The following SRCAP variants were observed in gnomAD, a reference collection of about 807,000 sequenced individuals.
SRCAP encodes chromatin remodeling protein SRCAP.
In SRCAP, 46 loss-of-function variants were observed where a neutral mutation model predicts 263.1. That is an observed-to-expected ratio of 0.17 (90% CI 0.14 to 0.22). The LOEUF (loss-of-function observed/expected upper bound fraction) is 0.22, where lower values mean the gene tolerates loss of function less well. Ranked by LOEUF, SRCAP falls within the 10% of genes least tolerant of loss-of-function variation. The pLI is 1.00. For missense variants in SRCAP, 3,695 were observed against 4,181.9 expected (o/e 0.88, Z 3.21); for synonymous variants, 1,813 against 1,662.1 (o/e 1.09, Z -2.21).
rs764062071 is a variant in SRCAP, at chr16:30,722,725, G to T, written c.3869G>T (p.Ser1290Ile). ...ACCACCCCTGCCCCTACTGGCCTCA[G>T]CCTTCCGCTTGCTGCTAACCAGGGT... is the stretch of plus-strand genomic sequence containing the variant. ...PSTTPAPTGL[S>I]LPLAANQVPP... is the part of the protein sequence containing the mutation. Residue 1290 changes from serine (S) to isoleucine (I), a missense_variant, in exon 23 of 34, where the codon AGC (serine) becomes ATC (isoleucine). This residue lies in a region of SRCAP where 1,347 missense variants were observed against 1,304.4 expected (regional missense o/e 1.03). Coordinates refer to ENST00000262518, the MANE Select transcript of SRCAP (RefSeq NM_006662.3). The T allele has an allele frequency of 6.2e-7, 1 of 1,612,460 alleles. No homozygotes were observed. Among genetic ancestry groups the T allele is most frequent in the Non-Finnish European group, 8.5e-7 (1 of 1,178,996 alleles).
chr16:30,729,452 C>A lies in SRCAP; in HGVS notation c.6007C>A (p.Gln2003Lys). 6.2e-7 allele frequency: 1 copy of A among 1,614,236 alleles called. No homozygotes were observed. The highest frequency in any genetic ancestry group is 8.5e-7 in the Non-Finnish European group (1 of 1,180,046). ...CHPPPWLAPR[Q>K]AAFQEQLASE... ...CCCACCTCCTTGGCTGGCCCCACGTCAGGCAGCCTTCCAGGAGCAATTGGC... is the reference window on the plus strand; with the variant it reads ...CCCACCTCCTTGGCTGGCCCCACGTAAGGCAGCCTTCCAGGAGCAATTGGC... The change falls in exon 27 of 34, where the codon CAG becomes AAG. Residue 2003 changes from glutamine to lysine, a missense_variant. Gln to Lys is a moderately conservative substitution (Grantham distance 53). This residue lies in a region of SRCAP where 1,347 missense variants were observed against 1,304.4 expected (regional missense o/e 1.03). Coordinates refer to ENST00000262518, the MANE Select transcript of SRCAP (RefSeq NM_006662.3).
chr16:30,717,678 T>C (rs1459320250), intron 18 of SRCAP, among the ~76,000 whole-genome samples: 1 of 131,802 alleles, frequency 7.6e-6, no homozygotes, highest in Non-Finnish European at 1.5e-5. Flanking sequence ...AGTGGTGCCA[T>C]CTTGGCTTAC....
chr16:30,716,506 T>G, intron 18 of SRCAP, 27 bp downstream of exon 18: 1 of 1,586,210 alleles, frequency 6.3e-7, no homozygotes, highest in Non-Finnish European at 8.6e-7. Flanking sequence ...TAATATGAAA[T>G]GTAAAGGTTA....
intron 3 of SRCAP, among the ~76,000 whole-genome samples, chr16:30,703,073 TGGA>T (rs2151283990): frequency 6.6e-6 from 1 of 151,818 alleles, no homozygotes; most frequent in African/African-American, 2.4e-5. Context: ...GTTCTGAAAA[TGGA>T]GGGTAAATAG....
In SRCAP at chr16:30,736,188, AC is replaced by A; in HGVS notation, c.6730-11del. 1 of 1,613,068 alleles carries A rather than the reference AC, an allele frequency of 6.2e-7. No homozygotes were observed. Among genetic ancestry groups the A allele is most frequent in the South Asian group, 1.1e-5 (1 of 90,830 alleles). The stretch of plus-strand genomic sequence containing the variant: ...GTCTCATGTTTTCTTTTTCTTTTAT[AC>A]ACCCTGGTAGGCATTGTGTCGGGCA... On this transcript the variant is annotated splice_polypyrimidine_tract_variant and intron_variant, in intron 31 of 33. Transcript: ENST00000262518.
chr16:30,733,755 C>T lies in SRCAP; in HGVS notation c.6451C>T (p.Arg2151Cys). Reference sequence around the variant, plus strand: ...CACCATGGATGCTCAGGCCCAGGACCGCTGTCACCGAATTGGCCAGACCCG... The same window carrying T: ...CACCATGGATGCTCAGGCCCAGGACTGCTGTCACCGAATTGGCCAGACCCG... ...NPTMDAQAQD[R>C]CHRIGQTRDV... Residue 2151 changes from arginine to cysteine, a missense_variant, in exon 29 of 34, where the codon CGC (arginine) becomes TGC (cysteine). Coordinates refer to ENST00000262518, the MANE Select transcript of SRCAP (RefSeq NM_006662.3). This position sits in a 1 kb window ranked among gnomAD's most constrained non-coding sequence, Gnocchi z 5.3. The T allele has an allele frequency of 6.2e-7, 1 of 1,614,060 alleles. No homozygotes were observed. The highest frequency in any genetic ancestry group is 2.2e-5 in the East Asian group (1 of 44,884).
chr16:30,734,015 A>T lies in SRCAP; in HGVS notation c.6609+7A>T. ...CACAGCCTATTTCAAACAGGTACTA[A>T]GTAAGATCTTTTAGCCTATGCAGGA... On this transcript the variant is annotated splice_region_variant and intron_variant, in intron 30 of 33. Transcript: ENST00000262518. 6.3e-7 allele frequency: 1 copy of T among 1,596,572 alleles called. No homozygotes were observed. Among genetic ancestry groups the T allele is most frequent in the South Asian group, 1.1e-5 (1 of 88,690 alleles).
rs1460998368 is a variant in SRCAP at position 30,720,299 on chromosome 16, C to T, written c.2955C>T (p.Pro985=). 2 of 1,613,970 alleles carry T rather than the reference C, an allele frequency of 1.2e-6. No individual in the cohort carries two copies. Among genetic ancestry groups the T allele is most frequent in the Non-Finnish European group, 1.7e-6 (2 of 1,179,864 alleles). ...TGGCTACTGCTCCTGACCCCCCACC[C>T]CGGCCCAAGCCAGTCAAGATGAAGG... ...LEVATAPDPP[P]RPKPVKMKVN... is the part of the protein sequence containing the mutation. Residue 985 remains proline (P), a synonymous_variant, in exon 19 of 34, where the codon CCC becomes CCT. Coordinates refer to ENST00000262518, the MANE Select transcript of SRCAP (RefSeq NM_006662.3).
intron 25 of SRCAP, chr16:30,726,193 T>G (rs999121209): frequency 2.0e-5 from 3 of 152,224 alleles, no homozygotes; most frequent in Non-Finnish European, 2.9e-5. Context: ...TATTGTGTTA[T>G]AGCGTATATC....
At position 30,729,271 on chromosome 16, in the gene SRCAP, GC is replaced by G. The variant is rs985044148; in HGVS notation, c.5924+42del. 2.5e-6 allele frequency: 4 copies of G among 1,596,392 alleles called. No homozygotes were observed. In the African/African-American group the frequency reaches 5.4e-5, roughly 21 times the overall value. On this transcript the variant is annotated intron_variant, in intron 26 of 33. Transcript: ENST00000262518. Reference sequence around the variant, plus strand: ...GTGCTAATGGGGAGTGGGTCTTGGGGCCTCAGAGTGGATGTAGTGCTTAGGG... The same window carrying G: ...GTGCTAATGGGGAGTGGGTCTTGGGGCTCAGAGTGGATGTAGTGCTTAGGG...
chr16:30,719,625 C>T (rs1276820278), intron 18 of SRCAP, among the ~76,000 whole-genome samples: 6 of 152,004 alleles, frequency 3.9e-5, no homozygotes, highest in Admixed American at 6.6e-5. Flanking sequence ...GCAGTCCTCC[C>T]GCCTGAGCCT....
chr16:30,723,754 C>T lies in SRCAP; in HGVS notation c.4330C>T (p.Pro1444Ser). The T allele has an allele frequency of 6.2e-7, 1 of 1,614,066 alleles. No homozygotes were observed. Among genetic ancestry groups the T allele is most frequent in the Non-Finnish European group, 8.5e-7 (1 of 1,179,990 alleles). ...PLSSSLPISV[P>S]TTLPAPASAP... ...GTCATCTTCACTCCCCATCTCTGTC[C>T]CCACCACACTTCCTGCCCCAGCCTC... The change falls in exon 25 of 34, where the codon CCC becomes TCC. Residue 1444 changes from proline (P) to serine (S), a missense_variant. Transcript: ENST00000262518.
chr16:30,719,144 C>G (rs1041503467), intron 18 of SRCAP, among the ~76,000 whole-genome samples: 1 of 151,258 alleles, frequency 6.6e-6, no homozygotes, highest in Middle Eastern at 3.5e-3. Flanking sequence ...GATCTGCCCA[C>G]CTTGGCCTCC....
At position 30,712,942 on chromosome 16, in the gene SRCAP, T is replaced by C. The variant is rs2151288958; in HGVS notation, c.2130+127T>C. On this transcript the variant is annotated intron_variant, in intron 14 of 33. Transcript: ENST00000262518. ...AAAATTTTTTAATTTTTTGTAAAAATAAAGATGGGGTCTCACTATGTTACC... is the reference window on the plus strand; with the variant it reads ...AAAATTTTTTAATTTTTTGTAAAAACAAAGATGGGGTCTCACTATGTTACC... 8 of 1,260,822 alleles carry C rather than the reference T, an allele frequency of 6.3e-6. No homozygotes were observed. The South Asian group carries it at 1.3e-4, about 21-fold the overall frequency. The allele number at this position is 1,260,822 out of a possible 1,614,324, so 78.1% of individuals were successfully genotyped here.
At position 30,713,836 on chromosome 16, in the gene SRCAP, G is replaced by A. The variant is rs2052916613; in HGVS notation, c.2493+125G>A. 30 of 831,814 alleles carry A rather than the reference G, an allele frequency of 3.6e-5. No individual in the cohort carries two copies. In the South Asian group the frequency reaches 5.1e-4, roughly 14 times the overall value. 51.5% of individuals were successfully genotyped at this position (831,814 alleles called of 1,614,324 possible). A position where few individuals can be genotyped will look rare whatever the true frequency, so the allele number is the denominator to read the frequency against. On this transcript the variant is annotated intron_variant, in intron 16 of 33. Transcript: ENST00000262518. The stretch of plus-strand genomic sequence containing the variant: ...GTGCCAGGCTAAACTCCTTTGTCAA[G>A]CTGCAGTGTTCTAGTGACTAACCCA...
chr16:30,734,448 G>T (rs752027017), intron 30 of SRCAP, 48 bp from the exon 31 acceptor site: 3 of 1,611,500 alleles, frequency 1.9e-6, no homozygotes, highest in Non-Finnish European at 2.5e-6. Context: ...TTAGACCTAA[G>T]ACTAGCATTC....
rs746773358 is a variant in SRCAP, at chr16:30,737,596, G to A, written c.7556G>A (p.Cys2519Tyr). The A allele has an allele frequency of 1.2e-5, 19 of 1,613,806 alleles. No individual in the cohort carries two copies. The highest frequency in any genetic ancestry group is 8.5e-7 in the Non-Finnish European group (1 of 1,180,004). Residue 2519 changes from cysteine to tyrosine, a missense_variant, in exon 34 of 34, where the codon TGT (cysteine) becomes TAT (tyrosine). By Grantham distance (194) the Cys-to-Tyr change is radical (BLOSUM62 -2). Around this residue, in one of 12 missense-constraint regions of SRCAP, gnomAD observed 1,207 missense variants for 1,142.9 expected, o/e 1.06. Transcript: ENST00000262518. ...PAHTPPPAQT[C>Y]LVTPSSPLLL... Reference sequence around the variant, plus strand: ...CATACACCGCCTCCAGCCCAAACCTGTCTTGTAACTCCTTCCTCTCCTCTC... The same window carrying A: ...CATACACCGCCTCCAGCCCAAACCTATCTTGTAACTCCTTCCTCTCCTCTC...
In SRCAP at chr16:30,739,276, G is replaced by A. The variant is rs773525515; in HGVS notation, c.9236G>A (p.Arg3079Gln). Residue 3079 changes from arginine (R) to glutamine (Q), a missense_variant, in exon 34 of 34, where the codon CGG becomes CAG. Transcript: ENST00000262518. The stretch of plus-strand genomic sequence containing the variant: ...CTTGAAGCAGAAGGAATGCGAGGAC[G>A]GAAGAGTGGAGGGTCCATGGTGGTG... Reference protein sequence around the residue: ...LRLEAEGMRGRKSGGSMVVAV... With the variant: ...LRLEAEGMRGQKSGGSMVVAV... The A allele has an allele frequency of 8.7e-6, 14 of 1,613,970 alleles. No individual in the cohort carries two copies. The East Asian group carries it at 1.6e-4, about 18-fold the overall frequency.
chr16:30,737,484 T>C lies in SRCAP; in HGVS notation c.7444T>C (p.Leu2482=). The C allele has an allele frequency of 5.0e-6, 8 of 1,595,418 alleles. No individual in the cohort carries two copies. Among genetic ancestry groups the C allele is most frequent in the Non-Finnish European group, 6.0e-6 (7 of 1,165,128 alleles). The part of the protein sequence containing the change: ...NPITILPVHI[L]PSPPPPSQIP... ...AATAACCATTCTCCCTGTCCATATCTTGCCTTCTCCTCCCCCTCCTTCACA... is the reference window on the plus strand; with the variant it reads ...AATAACCATTCTCCCTGTCCATATCCTGCCTTCTCCTCCCCCTCCTTCACA... Residue 2482 remains leucine, a synonymous_variant, in exon 34 of 34, where the codon TTG becomes CTG. Transcript: ENST00000262518.
Sources: gnomAD v4.1 joint callset for allele counts (sites outside exome capture counted in the v4.1 genomes callset) on GRCh38, gnomAD v4.1.1 for gene constraint, gnomAD v4.1.1 regional missense constraint, Gnocchi (gnomAD v3.1) non-coding constraint, MANE v1.5 for transcripts, NCBI Gene and HGNC (gene_info 2026-07-23, HGNC 2026-07-21) for gene names.